Variants in CHCHD6 observed in about 807,000 individuals in gnomAD.
CHCHD6 encodes coiled-coil-helix-coiled-coil-helix domain containing 6, also known as MICOS complex subunit MIC25.
CHCHD6 carries 28 observed loss-of-function variants against 32.3 expected under a neutral mutation model. The ratio of observed to expected loss-of-function variants is 0.87; its 90% CI spans 0.64 to 1.19. The LOEUF (loss-of-function observed/expected upper bound fraction) is 1.19. Ranked by LOEUF, CHCHD6 falls within the 50% of genes most tolerant of loss-of-function variation. CHCHD6 has a pLI of 0.00. For missense variants in CHCHD6, 333 were observed against 307.0 expected, an observed-to-expected ratio of 1.08 and a Z score of -0.63; for synonymous variants, 122 against 117.5, an observed-to-expected ratio of 1.04 and a Z score of -0.25.
intron 4 of CHCHD6, among the ~76,000 whole-genome samples, chr3:126,825,909 A>G (rs1163011933): frequency 6.6e-6 from 1 of 152,070 alleles, no homozygotes; most frequent in Non-Finnish European, 1.5e-5. Context: ...ACTGCTGTTT[A>G]TTTCTTTCTA....
chr3:126,921,831 G>A (rs1363514381), intron 6 of CHCHD6, among the ~76,000 whole-genome samples: 1 of 152,184 alleles, frequency 6.6e-6, no homozygotes, highest in East Asian at 1.9e-4. Context: ...AGAATGAATT[G>A]TTTCTAGGAA....
At chr3:126,896,086 A>G (rs564929502) in intron 5 of CHCHD6, among the ~76,000 whole-genome samples, 8 of 152,354 alleles carry the variant, frequency 5.3e-5, no homozygotes, top group Non-Finnish European at 1.0e-4. Flanking sequence ...GGAAGGGCAC[A>G]TCTTCCTGGA....
chr3:126,836,906 G>A (rs949384907), intron 4 of CHCHD6, among the ~76,000 whole-genome samples: 1 of 152,200 alleles, frequency 6.6e-6, no homozygotes, highest in Non-Finnish European at 1.5e-5. Context: ...CGGGGGACTG[G>A]CCTGCTCTTC....
At chr3:126,800,187 A>G (rs1938996772) in intron 4 of CHCHD6, among the ~76,000 whole-genome samples, 1 of 152,240 alleles carries the variant, frequency 6.6e-6, no homozygotes, top group African/African-American at 2.4e-5. Flanking sequence ...TTTCTAGGAA[A>G]GATAAAACTC....
chr3:126,848,729 C>G (rs1376950162), intron 4 of CHCHD6, among the ~76,000 whole-genome samples: 2 of 152,126 alleles, frequency 1.3e-5, no homozygotes, highest in African/African-American at 4.8e-5. Context: ...TGATGGCTAT[C>G]TGGGGTTTTA....
At position 126,709,945 on chromosome 3, in the gene CHCHD6, T is replaced by C. The variant is rs369752456; in HGVS notation, c.87+5546T>C. Among the ~76,000 whole-genome samples the C allele has an allele frequency of 9.2e-5, 14 of 152,368 alleles. No homozygotes were observed. In the East Asian group the frequency reaches 1.9e-3, roughly 21 times the overall value. ...AAGGGACTTGAGCATCCTCAGATAT[T>C]GGTGTCCACAGAGGTCCTGACACCA... On this transcript the variant is annotated intron_variant, in intron 1 of 7. Transcript: ENST00000290913.
intron 6 of CHCHD6, among the ~76,000 whole-genome samples, chr3:126,935,525 A>G (rs73209631): frequency 3.5e-4 from 54 of 152,362 alleles, no homozygotes; most frequent in Middle Eastern, 3.4e-3. Context: ...AGAGTGGGAT[A>G]GCTATTGTAA....
At chr3:126,746,706 G>A (rs753025598) in intron 4 of CHCHD6, among the ~76,000 whole-genome samples, 10 of 152,314 alleles carry the variant, frequency 6.6e-5, no homozygotes, top group South Asian at 4.1e-4. Flanking sequence ...GCCGCGAGGC[G>A]GGTGCTTTCG....
intron 5 of CHCHD6, among the ~76,000 whole-genome samples, chr3:126,884,107 G>A (rs1474302592): frequency 3.3e-5 from 5 of 152,132 alleles, no homozygotes; most frequent in East Asian, 1.9e-4. Flanking sequence ...GTGAAGAATG[G>A]TGCAGGCCTT....
At chr3:126,866,787 T>A (rs1169296211) in intron 5 of CHCHD6, among the ~76,000 whole-genome samples, 1 of 152,232 alleles carries the variant, frequency 6.6e-6, no homozygotes, top group Non-Finnish European at 1.5e-5. Context: ...AGTACTTTCA[T>A]GCAAACCCCA....
chr3:126,770,404 T>C (rs1304298523), intron 4 of CHCHD6, among the ~76,000 whole-genome samples: 1 of 152,226 alleles, frequency 6.6e-6, no homozygotes, highest in Non-Finnish European at 1.5e-5. Flanking sequence ...TCTTGTGTTG[T>C]GCCAGTTTTC....
At chr3:126,857,805 A>C (rs1477300151) in intron 5 of CHCHD6, among the ~76,000 whole-genome samples, 1 of 152,256 alleles carries the variant, frequency 6.6e-6, no homozygotes, top group African/African-American at 2.4e-5. Context: ...GGCAGCTCCA[A>C]GTGCTGGCAA....
chr3:126,820,508 T>G (rs1192008429), intron 4 of CHCHD6, among the ~76,000 whole-genome samples: 1 of 152,208 alleles, frequency 6.6e-6, no homozygotes, highest in African/African-American at 2.4e-5. Flanking sequence ...TTTTTCTGGC[T>G]CTCTGTGACG....
At chr3:126,726,644 C>A (rs149639319) in intron 1 of CHCHD6, among the ~76,000 whole-genome samples, 150 of 152,276 alleles carry the variant, frequency 9.9e-4, no homozygotes, top group African/African-American at 3.6e-3. Context: ...CGAGGAGCAG[C>A]CTTCCCTGGA....
At chr3:126,727,329 C>T (rs1176901509) in intron 2 of CHCHD6, 143 bp downstream of exon 2, 3 of 477,944 alleles carry the variant, frequency 6.3e-6, no homozygotes, top group South Asian at 4.9e-5. Context: ...AAGGGCTTTC[C>T]GGAAGAGCAT....
intron 4 of CHCHD6, among the ~76,000 whole-genome samples, chr3:126,734,978 C>T (rs1164411159): frequency 4.6e-5 from 7 of 152,144 alleles, no homozygotes; most frequent in Non-Finnish European, 1.0e-4. Context: ...CCCATGGCAT[C>T]CTGGTGAGGA....
chr3:126,905,709 A>G (rs964572092), intron 5 of CHCHD6, among the ~76,000 whole-genome samples: 1 of 152,084 alleles, frequency 6.6e-6, no homozygotes, highest in African/African-American at 2.4e-5. Context: ...TAAGATAATA[A>G]AGACTGAATG....
chr3:126,873,705 C>G (rs1256693493), intron 5 of CHCHD6, among the ~76,000 whole-genome samples: 1 of 152,220 alleles, frequency 6.6e-6, no homozygotes, highest in Non-Finnish European at 1.5e-5. Flanking sequence ...CCTTGACATT[C>G]TCTTCCACCT....
intron 4 of CHCHD6, among the ~76,000 whole-genome samples, chr3:126,824,560 CAAAA>C (rs71150454): frequency 2.3e-4 from 9 of 39,998 alleles, no homozygotes; most frequent in African/African-American, 5.9e-4. Context: ...GACTCTGTCT[CAAAA>C]AAAAAAAAAA....
Sources: allele counts gnomAD v4.1 joint callset (sites outside exome capture counted in the v4.1 genomes callset), GRCh38; gene constraint gnomAD v4.1.1; transcripts MANE v1.5; gene names NCBI Gene and HGNC (gene_info 2026-07-23, HGNC 2026-07-21).